MTUS2: variants seen among roughly 807,000 people sequenced by gnomAD.
The protein encoded by MTUS2 is microtubule associated scaffold protein 2.
A neutral mutation model predicts 114.1 loss-of-function variants in MTUS2; 40 were observed. That is an observed-to-expected ratio of 0.35 (90% CI 0.27 to 0.46). MTUS2 has a LOEUF of 0.46. Ranked by LOEUF, MTUS2 falls within the 20% of genes least tolerant of loss-of-function variation. The probability of loss-of-function intolerance (pLI) is 1.00; values close to 1 mark genes in which losing one functional copy is unlikely to be tolerated. For missense variants in MTUS2, 1,679 were observed against 1,705.4 expected (o/e 0.98, Z 0.27); for synonymous variants, 688 against 672.0 (o/e 1.02, Z -0.37).
At chr13:28,846,477 G>A (rs1593241897) in intron 2 of MTUS2, among the ~76,000 whole-genome samples, 1 of 152,082 alleles carries the variant, frequency 6.6e-6, no homozygotes. Context: ...AGCTGTGTGT[G>A]TCTTTTAAAT....
At chr13:29,150,794 A>G (rs1337092572) in intron 5 of MTUS2, among the ~76,000 whole-genome samples, 1 of 152,148 alleles carries the variant, frequency 6.6e-6, no homozygotes, top group East Asian at 1.9e-4. Context: ...TTGAATAGGG[A>G]GTCCTTTCCC....
intron 5 of MTUS2, among the ~76,000 whole-genome samples, chr13:29,182,155 G>C (rs1297436128): frequency 6.6e-6 from 1 of 152,182 alleles, no homozygotes; most frequent in Non-Finnish European, 1.5e-5. Flanking sequence ...GGAGTGGACT[G>C]AGCCTGAGGG....
At chr13:29,109,765 G>A (rs1256621469) in intron 5 of MTUS2, among the ~76,000 whole-genome samples, 1 of 152,208 alleles carries the variant, frequency 6.6e-6, no homozygotes, top group African/African-American at 2.4e-5. Flanking sequence ...TTGGCCATGT[G>A]TGTAAGGATT....
At chr13:29,037,679 G>A (rs781320479) in intron 4 of MTUS2, among the ~76,000 whole-genome samples, 2 of 152,160 alleles carry the variant, frequency 1.3e-5, no homozygotes, top group East Asian at 1.9e-4. Context: ...TTTTCACATG[G>A]TCCCATATTT....
chr13:29,198,160 T>C (rs1339744917), intron 5 of MTUS2, among the ~76,000 whole-genome samples: 1 of 152,222 alleles, frequency 6.6e-6, no homozygotes, highest in Admixed American at 6.5e-5. Context: ...ATGTCCTGAA[T>C]GGTATTGCCT....
intron 6 of MTUS2, among the ~76,000 whole-genome samples, chr13:29,296,988 T>A (rs987941953): frequency 6.6e-6 from 1 of 152,206 alleles, no homozygotes; most frequent in South Asian, 2.1e-4. Context: ...TTGTTGCCTG[T>A]GCTTTTGAGG....
At chr13:28,896,596 C>G (rs1202012923) in intron 2 of MTUS2, among the ~76,000 whole-genome samples, 1 of 152,210 alleles carries the variant, frequency 6.6e-6, no homozygotes, top group African/African-American at 2.4e-5. Context: ...ATTGCCAAGT[C>G]AATCCTAAGC....
chr13:28,883,464 A>G (rs986656956), intron 2 of MTUS2, among the ~76,000 whole-genome samples: 2 of 152,222 alleles, frequency 1.3e-5, no homozygotes, highest in African/African-American at 2.4e-5. Flanking sequence ...CTATGTAACA[A>G]TGAGAAGGAA....
chr13:29,214,553 T>G lies in MTUS2; in HGVS notation c.2645-67151T>G, dbSNP rs375548474. On this transcript the variant is annotated intron_variant, in intron 5 of 15. Coordinates refer to ENST00000612955, the MANE Select transcript of MTUS2 (RefSeq NM_001033602.4). ...TCAGGAGCATCTTATAAGGCAGGCC[T>G]TGTGGTGACAATATCTCTCAGCATT... 2.0e-5 allele frequency among the ~76,000 whole-genome samples: 3 copies of G among 152,378 alleles called. No homozygotes were observed. The South Asian group carries it at 6.2e-4, about 32-fold the overall frequency.
At chr13:29,194,808 C>T (rs1428299074) in intron 5 of MTUS2, among the ~76,000 whole-genome samples, 8 of 152,042 alleles carry the variant, frequency 5.3e-5, no homozygotes, top group Non-Finnish European at 1.0e-4. Flanking sequence ...ATGTTTATTG[C>T]AGCACTATTC....
intron 8 of MTUS2, among the ~76,000 whole-genome samples, chr13:29,391,908 G>A (rs1321533011): frequency 1.3e-5 from 2 of 151,768 alleles, no homozygotes; most frequent in African/African-American, 4.8e-5. Flanking sequence ...GCTGAGGCAG[G>A]CAGATCACCT....
In MTUS2 at chr13:29,152,389, G is replaced by T. The variant is rs150052046; in HGVS notation, c.2644+51419G>T. ...TTAGAAATATGTTTTAGTATCTACT[G>T]CTGAATAACAAGTTATCCCAAAACT... On this transcript the variant is annotated intron_variant, in intron 5 of 15. Transcript: ENST00000612955. 2.7e-3 allele frequency among the ~76,000 whole-genome samples: 414 copies of T among 152,252 alleles called. 2 individuals carry two copies. The highest frequency in any genetic ancestry group is 9.5e-3 in the African/African-American group (394 of 41,550).
chr13:29,090,249 C>T (rs895684069), intron 4 of MTUS2, among the ~76,000 whole-genome samples: 1 of 152,180 alleles, frequency 6.6e-6, no homozygotes, highest in Non-Finnish European at 1.5e-5. Flanking sequence ...GGACCTGAGA[C>T]CAGGCTTTTG....
At chr13:29,447,946 A>C (rs1286188346) in intron 9 of MTUS2, among the ~76,000 whole-genome samples, 3 of 152,212 alleles carry the variant, frequency 2.0e-5, no homozygotes, top group Admixed American at 1.3e-4. Flanking sequence ...AATATTGAAT[A>C]ATTGAAGAGC....
At chr13:29,088,177 G>T (rs1380875422) in intron 4 of MTUS2, among the ~76,000 whole-genome samples, 4 of 151,942 alleles carry the variant, frequency 2.6e-5, no homozygotes, top group Non-Finnish European at 5.9e-5. Context: ...TATGTTGTAT[G>T]TTTGTTTTCA....
intron 2 of MTUS2, among the ~76,000 whole-genome samples, chr13:28,862,140 G>A (rs1250785297): frequency 6.6e-6 from 1 of 152,160 alleles, no homozygotes; most frequent in East Asian, 1.9e-4. Flanking sequence ...CATGACAAAG[G>A]AAATAGCACA....
chr13:28,835,597 G>A (rs1445433516), intron 1 of MTUS2, among the ~76,000 whole-genome samples: 1 of 152,154 alleles, frequency 6.6e-6, no homozygotes, highest in Non-Finnish European at 1.5e-5. Context: ...ATGACCTTGC[G>A]AATGTGATAA....
In MTUS2 at chr13:29,217,139, T is replaced by G. The variant is rs562828108; in HGVS notation, c.2645-64565T>G. Reference sequence around the variant, plus strand: ...ATGTCCTCTTTCATTCTGAATTTGCTACTTATCAGTTTTGTGCCTGTGTTT... The same window carrying G: ...ATGTCCTCTTTCATTCTGAATTTGCGACTTATCAGTTTTGTGCCTGTGTTT... On this transcript the variant is annotated intron_variant, in intron 5 of 15. Transcript: ENST00000612955. Among the ~76,000 whole-genome samples, 3 of 152,368 alleles carry G rather than the reference T, an allele frequency of 2.0e-5. No individual in the cohort carries two copies. The East Asian group carries it at 5.8e-4, about 29-fold the overall frequency.
chr13:28,997,502 C>T (rs912341180), intron 2 of MTUS2, among the ~76,000 whole-genome samples: 3 of 152,092 alleles, frequency 2.0e-5, no homozygotes, highest in Middle Eastern at 3.2e-3. Flanking sequence ...TTAAAGTCTC[C>T]CATTATTATT....
Sources: gnomAD v4.1 joint callset for allele counts (sites outside exome capture counted in the v4.1 genomes callset) on GRCh38, gnomAD v4.1.1 for gene constraint, MANE v1.5 for transcripts, NCBI Gene and HGNC (gene_info 2026-07-23, HGNC 2026-07-21) for gene names.